Variants in PIEZO1 observed in about 807,000 individuals in gnomAD.
The protein encoded by PIEZO1 is piezo-type mechanosensitive ion channel component 1.
In PIEZO1, 296 loss-of-function variants were observed where a neutral mutation model predicts 297.2. That is an observed-to-expected ratio of 1.00 (90% CI 0.91 to 1.10). PIEZO1 has a LOEUF of 1.10. Among genes scored for constraint, PIEZO1 ranks in the 50% least tolerant of loss-of-function variants. PIEZO1 has a pLI of 0.00. For synonymous variants in PIEZO1, 2,427 were observed against 1,507.5 expected (o/e 1.61, Z -14.13); for missense variants, 5,018 against 3,455.5 (o/e 1.45, Z -11.34).
chr16:88,785,109 C>G lies in PIEZO1; in HGVS notation c.-145G>C. The G allele has an allele frequency of 2.4e-6, 1 of 419,378 alleles. No homozygotes were observed. Among genetic ancestry groups the G allele is most frequent in the Non-Finnish European group, 3.7e-6 (1 of 272,128 alleles). The allele number at this position is 419,378 out of a possible 1,614,324, so 26.0% of individuals were successfully genotyped here. A position where few individuals can be genotyped will look rare whatever the true frequency, so the allele number is the denominator to read the frequency against. The stretch of plus-strand genomic sequence containing the variant: ...CCTCTTCCTCCTTCTCCTTCGGCCG[C>G]CCCGCCGGTGCCGACGTCCCGGGCC... On this transcript the variant is annotated 5_prime_UTR_variant, in exon 1 of 51. Transcript: ENST00000301015.
Position 88,721,985 on chromosome 16 carries a change from C to A in PIEZO1, c.5037G>T (p.Val1679=). Residue 1679 remains valine, a synonymous_variant, in exon 37 of 51, where the codon GTG becomes GTT. Transcript: ENST00000301015. ...QGRALRLLRA[V]YQCVAAHSEL... ...CCGAGTGGGCGGCCACACACTGGTA[C>A]ACGGCCCGCAGCAGCCGCAGCGCCC... 5.2e-6 allele frequency: 8 copies of A among 1,549,814 alleles called. No individual in the cohort carries two copies. The highest frequency in any genetic ancestry group is 7.0e-6 in the Non-Finnish European group (8 of 1,146,798).
Position 88,734,431 on chromosome 16 carries a change from T to G in PIEZO1, c.2105A>C (p.His702Pro), listed in dbSNP as rs1287715831. The G allele has an allele frequency of 6.5e-7, 1 of 1,549,860 alleles. No homozygotes were observed. Among genetic ancestry groups the G allele is most frequent in the Admixed American group, 2.0e-5 (1 of 50,984 alleles). Residue 702 changes from histidine to proline, a missense_variant, in exon 16 of 51, where the codon CAC becomes CCC. His to Pro is a moderately conservative substitution (Grantham distance 77). Transcript: ENST00000301015. ...GTCGGTGAGCTGCATGAAGGGCCTGTGGAAGTAGTGCAGCTGCAGGATGCA... is the reference window on the plus strand; with the variant it reads ...GTCGGTGAGCTGCATGAAGGGCCTGGGGAAGTAGTGCAGCTGCAGGATGCA... ...LACILQLHYFHRPFMQLTDME... is the reference protein window; with the variant it reads ...LACILQLHYFPRPFMQLTDME...
At chr16:88,746,077 A>G (rs137932643) in intron 2 of PIEZO1, among the ~76,000 whole-genome samples, 1,830 of 150,502 alleles carry the variant, frequency 0.012, 12 homozygotes, top group Middle Eastern at 0.037. Context: ...AACCTGATCC[A>G]TGGGGTGTGC....
Position 88,785,153 on chromosome 16 carries a change from C to A in PIEZO1, c.-189G>T, listed in dbSNP as rs1409267436. On this transcript the variant is annotated 5_prime_UTR_variant, in exon 1 of 51. Transcript: ENST00000301015. ...CCGGGCCCGCGCTCGCTCAGGCGACCGCCCTGCCCCTCGGCGGAGCGCAGC... is the reference window on the plus strand; with the variant it reads ...CCGGGCCCGCGCTCGCTCAGGCGACAGCCCTGCCCCTCGGCGGAGCGCAGC... The A allele has an allele frequency of 9.9e-6, 3 of 303,618 alleles. No individual in the cohort carries two copies. The highest frequency in any genetic ancestry group is 1.7e-5 in the Non-Finnish European group (3 of 172,036). The allele number at this position is 303,618 out of a possible 1,614,324, so 18.8% of individuals were successfully genotyped here.
At chr16:88,739,350 T>C (rs1905480453) in intron 5 of PIEZO1, 1 of 152,360 alleles carries the variant, frequency 6.6e-6, no homozygotes, top group South Asian at 2.1e-4. Flanking sequence ...TGACTAAAGA[T>C]TTCCCAGAAC....
At chr16:88,732,828 A>G (rs1904955722) in intron 19 of PIEZO1, 96 bp from the exon 20 acceptor site, 3 of 1,271,820 alleles carry the variant, frequency 2.4e-6, no homozygotes, top group Admixed American at 2.7e-5. Context: ...GGGCAGGTCC[A>G]CTGCTCCCCA....
rs552565973 is a variant in PIEZO1, at chr16:88,722,295, G to A, written c.4878C>T (p.Thr1626=). ...CACCAGCCTCACGCTCCCCGGGGTC[G>A]GTGACTGCCTCCTCACTGCCACTGC... The part of the protein sequence containing the change: ...HTRSGSEEAV[T]DPGEREAGAS... Residue 1626 remains threonine (T), a synonymous_variant, in exon 36 of 51, where the codon ACC becomes ACT. Coordinates refer to ENST00000301015, the MANE Select transcript of PIEZO1 (RefSeq NM_001142864.4). 16 of 1,548,346 alleles carry A rather than the reference G, an allele frequency of 1.0e-5. No homozygotes were observed. The highest frequency in any genetic ancestry group is 9.8e-5 in the East Asian group (4 of 40,906).
intron 22 of PIEZO1, among the ~76,000 whole-genome samples, chr16:88,728,082 C>T (rs1427974687): frequency 6.6e-6 from 1 of 152,256 alleles, no homozygotes; most frequent in African/African-American, 2.4e-5. Context: ...CACGTGGGAC[C>T]GGGATCCATG....
intron 9 of PIEZO1, 40 bp downstream of exon 9, chr16:88,737,687 GC>G: frequency 6.5e-7 from 1 of 1,532,624 alleles, no homozygotes; most frequent in Non-Finnish European, 8.7e-7. Context: ...GGCTGGCCGG[GC>G]GCCCCCCACG....
In PIEZO1 at chr16:88,721,386, C is replaced by T. The variant is rs956444056; in HGVS notation, c.5448G>A (p.Glu1816=). ...GCTCCTCCTCGCCGCTCTTGTCATG[C>T]TCCTTGGATGGTGAGTCCTCCTCAT... ...WDHEEDSPSK[E]HDKSGEEEQG... The change falls in exon 39 of 51, where the codon GAG becomes GAA. Residue 1816 remains glutamate (E), a synonymous_variant. Transcript: ENST00000301015. 26 of 1,549,956 alleles carry T rather than the reference C, an allele frequency of 1.7e-5. No homozygotes were observed. In the Admixed American group the frequency reaches 2.0e-4, roughly 12 times the overall value.
chr16:88,721,978 A>G lies in PIEZO1; in HGVS notation c.5044T>C (p.Cys1682Arg). The G allele has an allele frequency of 6.5e-7, 1 of 1,549,876 alleles. No homozygotes were observed. The highest frequency in any genetic ancestry group is 1.2e-5 in the South Asian group (1 of 84,050). Residue 1682 changes from cysteine (C) to arginine (R), a missense_variant, in exon 37 of 51, where the codon TGT becomes CGT. Coordinates refer to ENST00000301015, the MANE Select transcript of PIEZO1 (RefSeq NM_001142864.4). ...AGCAGCTCCGAGTGGGCGGCCACAC[A>G]CTGGTACACGGCCCGCAGCAGCCGC... ...ALRLLRAVYQ[C>R]VAAHSELLCY...
chr16:88,730,636 T>G (rs1464411706), intron 22 of PIEZO1, among the ~76,000 whole-genome samples: 2 of 149,104 alleles, frequency 1.3e-5, no homozygotes, highest in Admixed American at 1.3e-4. Context: ...CTTGCTATGT[T>G]GACCAGAGTG....
chr16:88,752,353 A>T (rs1313348302), intron 1 of PIEZO1, among the ~76,000 whole-genome samples: 1 of 152,084 alleles, frequency 6.6e-6, no homozygotes, highest in African/African-American at 2.4e-5. Context: ...ATGATGGTGC[A>T]TGCCTGTGGT....
At chr16:88,751,501 G>A (rs1186261047) in intron 1 of PIEZO1, among the ~76,000 whole-genome samples, 1 of 152,196 alleles carries the variant, frequency 6.6e-6, no homozygotes, top group Non-Finnish European at 1.5e-5. Flanking sequence ...ACATCGCGGA[G>A]TGCCGGGCTC....
At chr16:88,733,793 G>A (rs568874492) in intron 17 of PIEZO1, 48 bp from the exon 18 acceptor site, 3 of 1,483,118 alleles carry the variant, frequency 2.0e-6, no homozygotes, top group South Asian at 1.3e-5. Context: ...GGATTCCCGG[G>A]TCCCCTGTGA....
In PIEZO1 at chr16:88,738,619, G is replaced by C. The variant is rs1213995360; in HGVS notation, c.583C>G (p.Leu195Val). The C allele has an allele frequency of 6.5e-7, 1 of 1,535,562 alleles. No individual in the cohort carries two copies. Among genetic ancestry groups the C allele is most frequent in the Non-Finnish European group, 8.7e-7 (1 of 1,146,752 alleles). ...AGGACCCGCCCAGCCGCCACCAGCA[G>C]CCAGTGGGCCGTGACTCGGAAACGA... ...AARFRVTAHWLLVAAGRVLAV... is the reference protein window; with the variant it reads ...AARFRVTAHWVLVAAGRVLAV... Residue 195 changes from leucine (L) to valine (V), a missense_variant, in exon 6 of 51, where the codon CTG becomes GTG. Physicochemically the swap from Leu to Val is conservative, Grantham distance 32. Transcript: ENST00000301015.
intron 34 of PIEZO1, 26 bp from the exon 35 acceptor site, chr16:88,722,715 G>C (rs145581720): frequency 6.5e-7 from 1 of 1,533,022 alleles, no homozygotes; most frequent in Admixed American, 2.0e-5. Context: ...GGGGGCTCAG[G>C]GCTGCGTCCA....
At chr16:88,719,417 G>A (rs542420473) in intron 44 of PIEZO1, 157 bp downstream of exon 44, 94 of 653,590 alleles carry the variant, frequency 1.4e-4, no homozygotes, top group Non-Finnish European at 2.0e-4. Context: ...CACTGGCCTC[G>A]TGATCAGCTA....
chr16:88,736,513 C>G lies in PIEZO1; in HGVS notation c.1297-105G>C, dbSNP rs554759465. The stretch of plus-strand genomic sequence containing the variant: ...TGCACAGCTGCCCAGCGCACCCCAC[C>G]CAGGCGATGCCCCACACCTGCGCGG... On this transcript the variant is annotated intron_variant, in intron 11 of 50. Transcript: ENST00000301015. 6 of 595,532 alleles carry G rather than the reference C, an allele frequency of 1.0e-5. No homozygotes were observed. The South Asian group carries it at 1.2e-4, about 12-fold the overall frequency. 36.9% of individuals were successfully genotyped at this position (595,532 alleles called of 1,614,324 possible). A position where few individuals can be genotyped will look rare whatever the true frequency, so the allele number is the denominator to read the frequency against.
Sources: allele counts gnomAD v4.1 joint callset (sites outside exome capture counted in the v4.1 genomes callset), GRCh38; gene constraint gnomAD v4.1.1; transcripts MANE v1.5; gene names NCBI Gene and HGNC (gene_info 2026-07-23, HGNC 2026-07-21).